PICALM: variants seen among roughly 807,000 people sequenced by gnomAD.
PICALM encodes phosphatidylinositol binding clathrin assembly protein.
In PICALM, 40 loss-of-function variants were observed where a neutral mutation model predicts 80.5. That is an observed-to-expected ratio of 0.50 (90% confidence interval 0.39 to 0.65). The LOEUF (loss-of-function observed/expected upper bound fraction) is 0.65, where lower values mean the gene tolerates loss of function less well. Among genes scored for constraint, PICALM ranks in the 30% least tolerant of loss-of-function variants. The probability of loss-of-function intolerance (pLI) is 0.00; values close to 1 mark genes in which losing one functional copy is unlikely to be tolerated. For missense variants in PICALM, 676 were observed against 778.9 expected (o/e 0.87, Z 1.57); for synonymous variants, 288 against 260.3 (o/e 1.11, Z -1.02).
At chr11:86,068,612 G>A in intron 1 of PICALM, 39 bp downstream of exon 1, 1 of 1,586,000 alleles carries the variant, frequency 6.3e-7, no homozygotes, top group Non-Finnish European at 8.6e-7. Context: ...CGGGTCGCGC[G>A]GGCGCCGGGG....
At chr11:86,043,073 C>T (rs1374025678) in intron 1 of PICALM, among the ~76,000 whole-genome samples, 2 of 152,150 alleles carry the variant, frequency 1.3e-5, no homozygotes, top group Admixed American at 1.3e-4. Flanking sequence ...AGATAGCACA[C>T]CCTTTCACTC....
At chr11:86,023,353 C>T in intron 3 of PICALM, 1 of 472,292 alleles carries the variant, frequency 2.1e-6, no homozygotes, top group Non-Finnish European at 2.8e-6. Flanking sequence ...CTATTAAGTA[C>T]CAGTGGAGAA....
intron 4 of PICALM, among the ~76,000 whole-genome samples, chr11:86,016,764 T>C (rs964270324): frequency 2.6e-5 from 4 of 152,184 alleles, no homozygotes; most frequent in Non-Finnish European, 4.4e-5. Flanking sequence ...TCTAATAAAA[T>C]CCTCTCCTAA....
intron 13 of PICALM, among the ~76,000 whole-genome samples, chr11:85,988,215 G>C (rs2094639219): frequency 6.6e-6 from 1 of 152,162 alleles, no homozygotes; most frequent in Non-Finnish European, 1.5e-5. Flanking sequence ...CAAAACTTCA[G>C]ATTCCATAAC....
intron 19 of PICALM, among the ~76,000 whole-genome samples, chr11:85,964,897 A>C (rs2093822674): frequency 6.6e-6 from 1 of 152,224 alleles, no homozygotes; most frequent in African/African-American, 2.4e-5. Flanking sequence ...AACAGTCTCC[A>C]AAGTGGAATG....
At chr11:86,037,098 A>G (rs2095855011) in intron 1 of PICALM, among the ~76,000 whole-genome samples, 1 of 151,300 alleles carries the variant, frequency 6.6e-6, no homozygotes, top group East Asian at 1.9e-4. Flanking sequence ...GGGGCCCGCC[A>G]CCACGCCCAG....
At chr11:85,977,266 C>T (rs2135604161) in intron 17 of PICALM, among the ~76,000 whole-genome samples, 1 of 152,300 alleles carries the variant, frequency 6.6e-6, no homozygotes, top group South Asian at 2.1e-4. Flanking sequence ...TGTACGTTAG[C>T]TTTCTAATTT....
chr11:86,010,117 A>C (rs1592870474), intron 7 of PICALM, among the ~76,000 whole-genome samples: 1 of 152,176 alleles, frequency 6.6e-6, no homozygotes, highest in Non-Finnish European at 1.5e-5. Context: ...TAGAGGCTGG[A>C]GAATGGGAGA....
chr11:86,016,821 C>CAT (rs1360441773), intron 4 of PICALM, among the ~76,000 whole-genome samples: 22 of 152,212 alleles, frequency 1.4e-4, no homozygotes, highest in African/African-American at 5.1e-4. Flanking sequence ...ACATGAAACA[C>CAT]ATAAGCTCTC....
At chr11:86,029,700 T>A (rs1481260850) in intron 2 of PICALM, among the ~76,000 whole-genome samples, 6 of 152,130 alleles carry the variant, frequency 3.9e-5, no homozygotes, top group Non-Finnish European at 8.8e-5. Context: ...TTTTAAAAAA[T>A]AAACTACATC....
At chr11:85,979,982 A>G (rs977096981) in intron 17 of PICALM, among the ~76,000 whole-genome samples, 1 of 152,236 alleles carries the variant, frequency 6.6e-6, no homozygotes. Flanking sequence ...AAAACATACT[A>G]AAACCTCTTC....
intron 4 of PICALM, among the ~76,000 whole-genome samples, chr11:86,020,600 C>A (rs2095548795): frequency 6.6e-6 from 1 of 152,030 alleles, no homozygotes; most frequent in African/African-American, 2.4e-5. Flanking sequence ...GTCAACTCAT[C>A]TTCAACAAGG....
At chr11:85,990,008 C>CAAAAAAAAAAAAA (rs5793177) in intron 13 of PICALM, among the ~76,000 whole-genome samples, 10 of 89,320 alleles carry the variant, frequency 1.1e-4, no homozygotes, top group Non-Finnish European at 1.7e-4. Context: ...AACCAAACAC[C>CAAAAAAAAAAAAA]AAAAAAAAAA....
At chr11:86,061,425 A>G (rs994084291) in intron 1 of PICALM, among the ~76,000 whole-genome samples, 2 of 152,202 alleles carry the variant, frequency 1.3e-5, no homozygotes, top group East Asian at 3.9e-4. Flanking sequence ...CAACAATAAG[A>G]AAACAAAGAA....
intron 1 of PICALM, among the ~76,000 whole-genome samples, chr11:86,057,778 A>C (rs897218060): frequency 1.3e-5 from 2 of 152,188 alleles, no homozygotes; most frequent in African/African-American, 4.8e-5. Context: ...ATATTGTATT[A>C]GGCATTTTAA....
intron 14 of PICALM, 58 bp downstream of exon 14, chr11:85,983,807 CT>C: frequency 1.4e-6 from 1 of 714,798 alleles, no homozygotes; most frequent in Non-Finnish European, 2.3e-6. Flanking sequence ...ATTATTTTTC[CT>C]TACACAGAAT....
At chr11:85,970,880 G>C (rs2094086061) in intron 19 of PICALM, among the ~76,000 whole-genome samples, 1 of 152,168 alleles carries the variant, frequency 6.6e-6, no homozygotes. Context: ...ACAAAAGATT[G>C]TTCCAATATT....
chr11:86,048,803 C>G (rs1015454300), intron 1 of PICALM, among the ~76,000 whole-genome samples: 1 of 136,986 alleles, frequency 7.3e-6, no homozygotes, highest in Non-Finnish European at 1.5e-5. Context: ...CACTGCACTT[C>G]AGCCTCCTGG....
intron 1 of PICALM, among the ~76,000 whole-genome samples, chr11:86,053,061 T>C (rs970592419): frequency 1.3e-5 from 2 of 152,242 alleles, no homozygotes; most frequent in Non-Finnish European, 2.9e-5. Context: ...TCTGTACTTA[T>C]CTCACATTGT....
Sources: gnomAD v4.1 joint callset for allele counts (sites outside exome capture counted in the v4.1 genomes callset) on GRCh38, gnomAD v4.1.1 for gene constraint, MANE v1.5 for transcripts, NCBI Gene and HGNC (gene_info 2026-07-23, HGNC 2026-07-21) for gene names.